Variants in ROBO1 observed in about 807,000 individuals in gnomAD.
ROBO1 encodes the protein roundabout guidance receptor 1, also known as roundabout homolog 1.
Under a neutral mutation model 195.9 loss-of-function variants are expected in ROBO1, and 149 were observed. The ratio of observed to expected loss-of-function variants is 0.76; its 90% CI spans 0.67 to 0.87. ROBO1 has a LOEUF of 0.87. Ranked by LOEUF, ROBO1 falls within the 40% of genes least tolerant of loss-of-function variation. The pLI is 0.00. For missense variants in ROBO1, 1,933 were observed against 2,068.3 expected (o/e 0.93, Z 1.27); for synonymous variants, 816 against 733.2 (o/e 1.11, Z -1.82).
chr3:79,155,845 A>G (rs2080849302), intron 2 of ROBO1, among the ~76,000 whole-genome samples: 2 of 151,808 alleles, frequency 1.3e-5, no homozygotes, highest in Non-Finnish European at 2.9e-5. Flanking sequence ...TTTACTTTAA[A>G]GCCATGAATA....
At chr3:78,849,735 T>C (rs900763529) in intron 4 of ROBO1, among the ~76,000 whole-genome samples, 1 of 151,716 alleles carries the variant, frequency 6.6e-6, no homozygotes, top group African/African-American at 2.4e-5. Flanking sequence ...CATCTAACCT[T>C]TACTGTTTAA....
At chr3:79,564,825 C>T (rs1039267517) in intron 2 of ROBO1, among the ~76,000 whole-genome samples, 2 of 151,994 alleles carry the variant, frequency 1.3e-5, no homozygotes, top group African/African-American at 4.8e-5. Flanking sequence ...AGGAACTTAT[C>T]AAATAATATT....
chr3:79,067,754 A>T (rs906065709), intron 3 of ROBO1, among the ~76,000 whole-genome samples: 3 of 152,010 alleles, frequency 2.0e-5, no homozygotes, highest in African/African-American at 7.2e-5. Context: ...AATTAATACA[A>T]CAAACATTTA....
chr3:79,577,831 GA>G (rs1379151050), intron 2 of ROBO1, among the ~76,000 whole-genome samples: 2 of 151,842 alleles, frequency 1.3e-5, no homozygotes, highest in African/African-American at 2.4e-5. Context: ...AGAATCGCTT[GA>G]ACTCGGGAGG....
At chr3:79,051,958 C>T (rs999275475) in intron 3 of ROBO1, among the ~76,000 whole-genome samples, 2 of 152,026 alleles carry the variant, frequency 1.3e-5, no homozygotes, top group Non-Finnish European at 2.9e-5. Context: ...GTGATGAGTG[C>T]ATTATCTGTA....
At chr3:79,669,330 G>A (rs540009007) in intron 1 of ROBO1, among the ~76,000 whole-genome samples, 1 of 151,920 alleles carries the variant, frequency 6.6e-6, no homozygotes, top group African/African-American at 2.4e-5. Context: ...GGAACTGTAA[G>A]TAAATTAAAC....
chr3:78,874,593 A>G (rs1289100080), intron 4 of ROBO1, among the ~76,000 whole-genome samples: 1 of 151,894 alleles, frequency 6.6e-6, no homozygotes, highest in Non-Finnish European at 1.5e-5. Flanking sequence ...ATACACTTTC[A>G]AGTATTCATT....
chr3:79,125,313 C>T (rs146657616), intron 3 of ROBO1, 143 bp downstream of exon 3: 1 of 682,342 alleles, frequency 1.5e-6, no homozygotes, highest in Non-Finnish European at 2.7e-6. Context: ...CTGATATGAA[C>T]AGAATGAAGT....
At chr3:78,860,769 G>A (rs777458869) in intron 4 of ROBO1, among the ~76,000 whole-genome samples, 3 of 152,010 alleles carry the variant, frequency 2.0e-5, no homozygotes, top group African/African-American at 7.2e-5. Context: ...ACTACTACTT[G>A]CAGCTGCACT....
At chr3:78,599,155 G>A (rs186612736) in intron 30 of ROBO1, among the ~76,000 whole-genome samples, 17 of 152,192 alleles carry the variant, frequency 1.1e-4, no homozygotes, top group East Asian at 9.7e-4. Flanking sequence ...CCGGTGTTGC[G>A]TGGTGGGACA....
At chr3:79,432,848 A>G (rs146014224) in intron 2 of ROBO1, among the ~76,000 whole-genome samples, 85 of 152,272 alleles carry the variant, frequency 5.6e-4, no homozygotes, top group Admixed American at 2.3e-3. Flanking sequence ...CAACACATGT[A>G]TAATTTATTT....
intron 8 of ROBO1, among the ~76,000 whole-genome samples, chr3:78,696,177 C>A (rs888934404): frequency 4.1e-5 from 6 of 147,850 alleles, no homozygotes; most frequent in African/African-American, 2.5e-5. Flanking sequence ...CATTCATTAT[C>A]TTCTAACATT....
intron 2 of ROBO1, among the ~76,000 whole-genome samples, chr3:79,509,255 T>C (rs80048573): frequency 1.3e-5 from 2 of 152,104 alleles, no homozygotes; most frequent in Non-Finnish European, 2.9e-5. Flanking sequence ...ATTTTTTTTT[T>C]CTGGAAGGCA....
chr3:79,278,470 A>G (rs2031242080), intron 2 of ROBO1, among the ~76,000 whole-genome samples: 1 of 152,220 alleles, frequency 6.6e-6, no homozygotes, highest in Non-Finnish European at 1.5e-5. Context: ...CTAAAGCAGC[A>G]TAATGCTGCA....
At chr3:78,638,254 C>T (rs534335500) in intron 22 of ROBO1, among the ~76,000 whole-genome samples, 1 of 134,104 alleles carries the variant, frequency 7.5e-6, no homozygotes, top group East Asian at 2.1e-4. Context: ...TACACACATA[C>T]ATATATGTAT....
At chr3:79,020,338 C>A (rs891648595) in intron 3 of ROBO1, among the ~76,000 whole-genome samples, 3 of 152,170 alleles carry the variant, frequency 2.0e-5, no homozygotes, top group Admixed American at 1.3e-4. Context: ...GCAAAACAAA[C>A]CTGACACGTC....
intron 1 of ROBO1, among the ~76,000 whole-genome samples, chr3:79,753,161 A>T (rs933687444): frequency 4.6e-5 from 7 of 152,186 alleles, no homozygotes; most frequent in African/African-American, 1.7e-4. Context: ...TATTTAGTAT[A>T]GACCTGTGGT....
intron 2 of ROBO1, among the ~76,000 whole-genome samples, chr3:79,158,039 T>C (rs1445116443): frequency 4.0e-4 from 61 of 151,794 alleles, no homozygotes; most frequent in Non-Finnish European, 2.9e-5. Context: ...TTATGGTGAG[T>C]ATATTTGTAA....
At chr3:79,489,002 T>C (rs1400343505) in intron 2 of ROBO1, among the ~76,000 whole-genome samples, 1 of 152,028 alleles carries the variant, frequency 6.6e-6, no homozygotes, top group African/African-American at 2.4e-5. Context: ...AAAAAACAAA[T>C]GACCAAACAT....
Sources: allele counts gnomAD v4.1 joint callset (sites outside exome capture counted in the v4.1 genomes callset), GRCh38; gene constraint gnomAD v4.1.1; transcripts MANE v1.5; gene names NCBI Gene and HGNC (gene_info 2026-07-23, HGNC 2026-07-21).